Variants in RB1 observed in about 807,000 individuals in gnomAD.
RB1 encodes retinoblastoma-associated protein.
In RB1, 18 loss-of-function variants were observed where a neutral mutation model predicts 135.4. The ratio of observed to expected loss-of-function variants is 0.13; its 90% CI spans 0.09 to 0.20. The LOEUF (loss-of-function observed/expected upper bound fraction) is 0.20, where lower values mean the gene tolerates loss of function less well. Among genes scored for constraint, RB1 ranks in the 10% least tolerant of loss-of-function variants. The probability of loss-of-function intolerance (pLI) is 1.00; values close to 1 mark genes in which losing one functional copy is unlikely to be tolerated. For missense variants in RB1, 868 were observed against 1,110.0 expected, an observed-to-expected ratio of 0.78 and a Z score of 3.10; for synonymous variants, 365 against 373.2, an observed-to-expected ratio of 0.98 and a Z score of 0.25.
chr13:48,472,380 A>G (rs796899554), intron 23 of RB1, among the ~76,000 whole-genome samples: 2 of 152,224 alleles, frequency 1.3e-5, no homozygotes, highest in African/African-American at 4.8e-5. Context: ...TCCTTTATTT[A>G]TTTGGTGTTC....
chr13:48,476,982 A>T, intron 25 of RB1, 139 bp downstream of exon 25: 1 of 1,125,320 alleles, frequency 8.9e-7, no homozygotes, highest in Non-Finnish European at 1.3e-6. Flanking sequence ...TCAAAATAAT[A>T]GATATGAGTG....
At chr13:48,341,139 G>T (rs1250546922) in intron 2 of RB1, 1 of 151,884 alleles carries the variant, frequency 6.6e-6, no homozygotes, top group Non-Finnish European at 1.5e-5. Context: ...TTAAAGATTG[G>T]TTTTGCCTTT....
chr13:48,393,143 C>T lies in RB1; in HGVS notation c.1695+11700C>T, dbSNP rs575251084. Among the ~76,000 whole-genome samples, 4 of 152,296 alleles carry T rather than the reference C, an allele frequency of 2.6e-5. No homozygotes were observed. The South Asian group carries it at 8.3e-4, about 32-fold the overall frequency. ...TGTGTCAGCTCCTGGAAGGATTCTACTCCTTCCCATGGTTCTTCCCTGGTT... is the reference window on the plus strand; with the variant it reads ...TGTGTCAGCTCCTGGAAGGATTCTATTCCTTCCCATGGTTCTTCCCTGGTT... On this transcript the variant is annotated intron_variant, in intron 17 of 26. Coordinates refer to ENST00000267163, the MANE Select transcript of RB1 (RefSeq NM_000321.3).
chr13:48,373,483 C>T lies in RB1; in HGVS notation c.1206C>T (p.Ser402=), dbSNP rs752679968. The T allele has an allele frequency of 7.0e-6, 11 of 1,566,696 alleles. No individual in the cohort carries two copies. In the South Asian group the frequency reaches 1.2e-4, roughly 17 times the overall value. ...ATCAACCTTCAGAAAATCTGATTTCCTATTTTAACGTAAGCCATATATGAA... is the reference window on the plus strand; with the variant it reads ...ATCAACCTTCAGAAAATCTGATTTCTTATTTTAACGTAAGCCATATATGAA... ...ASDQPSENLI[S]YFNNCTVNPK... is the part of the protein sequence containing the mutation. The change falls in exon 12 of 27, where the codon TCC becomes TCT. Residue 402 remains serine (S), a synonymous_variant. Coordinates refer to ENST00000267163, the MANE Select transcript of RB1 (RefSeq NM_000321.3).
chr13:48,372,727 A>G (rs1321326922), intron 11 of RB1, among the ~76,000 whole-genome samples: 2 of 152,144 alleles, frequency 1.3e-5, no homozygotes, highest in African/African-American at 4.8e-5. Flanking sequence ...GAGAACACTG[A>G]GCATATTTTA....
At chr13:48,407,137 A>G (rs529170036) in intron 17 of RB1, among the ~76,000 whole-genome samples, 3 of 152,356 alleles carry the variant, frequency 2.0e-5, no homozygotes, top group African/African-American at 7.2e-5. Flanking sequence ...TGCTGTAAGT[A>G]TACAACACAT....
chr13:48,351,347 T>G (rs1952545513), intron 6 of RB1, among the ~76,000 whole-genome samples: 1 of 152,124 alleles, frequency 6.6e-6, no homozygotes, highest in African/African-American at 2.4e-5. Context: ...ATATGGAGCT[T>G]TTTTTTCATA....
chr13:48,466,617 G>T (rs758362201), intron 23 of RB1, among the ~76,000 whole-genome samples: 2,497 of 150,158 alleles, frequency 0.017, 29 homozygotes, highest in Non-Finnish European at 0.025. Context: ...TCTGAGCTAC[G>T]GGAGGACATT....
chr13:48,370,789 A>G (rs573271086), intron 11 of RB1, among the ~76,000 whole-genome samples: 1 of 152,274 alleles, frequency 6.6e-6, no homozygotes, highest in Admixed American at 6.5e-5. Context: ...TTGATTATCA[A>G]CCTAACCTTC....
chr13:48,313,745 C>CTTTTTTTT (rs56131979), intron 2 of RB1, among the ~76,000 whole-genome samples: 18 of 101,956 alleles, frequency 1.8e-4, no homozygotes, highest in East Asian at 3.1e-4. Flanking sequence ...TATGTTTATT[C>CTTTTTTTT]TTTTTTTTTT....
intron 6 of RB1, among the ~76,000 whole-genome samples, chr13:48,350,226 A>C (rs561093859): frequency 7.2e-4 from 109 of 152,296 alleles, no homozygotes; most frequent in African/African-American, 2.6e-3. Context: ...CATTTCATCC[A>C]AGAATATACA....
intron 17 of RB1, among the ~76,000 whole-genome samples, chr13:48,435,845 T>G (rs1949177828): frequency 6.6e-6 from 1 of 152,130 alleles, no homozygotes; most frequent in Non-Finnish European, 1.5e-5. Flanking sequence ...CTTTTGTATC[T>G]TTGTCAAAAA....
intron 2 of RB1, chr13:48,320,422 G>C (rs1346950429): frequency 1.1e-5 from 12 of 1,090,492 alleles, no homozygotes; most frequent in Admixed American, 1.8e-5. Flanking sequence ...TGGGCCAAAG[G>C]CCTCCCATTT....
intron 2 of RB1, among the ~76,000 whole-genome samples, chr13:48,314,989 G>A (rs947188465): frequency 2.6e-5 from 4 of 152,152 alleles, no homozygotes; most frequent in African/African-American, 9.6e-5. Context: ...TTTTTGTGTA[G>A]GGTTGCCTTG....
chr13:48,406,785 G>A (rs1283692446), intron 17 of RB1: 1 of 152,298 alleles, frequency 6.6e-6, no homozygotes, highest in Admixed American at 6.5e-5. Flanking sequence ...CAGGTGCAGT[G>A]GCCTGCACCT....
intron 18 of RB1, among the ~76,000 whole-genome samples, chr13:48,454,788 C>G (rs1163255537): frequency 6.6e-6 from 1 of 152,216 alleles, no homozygotes; most frequent in African/African-American, 2.4e-5. Context: ...GATGTGCATT[C>G]CAGGCAGAAC....
chr13:48,309,030 T>G (rs552226025), intron 2 of RB1, among the ~76,000 whole-genome samples: 1 of 152,286 alleles, frequency 6.6e-6, no homozygotes, highest in Non-Finnish European at 1.5e-5. Context: ...GATATTTGGG[T>G]TTTTTCCAAC....
At position 48,348,980 on chromosome 13, in the gene RB1, A is replaced by G. The variant is rs1952522861; in HGVS notation, c.564A>G (p.Ala188=). Residue 188 remains alanine, a synonymous_variant, in exon 6 of 27, where the codon GCA becomes GCG. Coordinates refer to ENST00000267163, the MANE Select transcript of RB1 (RefSeq NM_000321.3). ...SSSISTEINS[A]LVLKVSWITF... is the part of the protein sequence containing the mutation. ...GGATATCTACTGAAATAAATTCTGC[A>G]TTGGTGCTAAAAGTTTCTTGGATCA... The G allele has an allele frequency of 6.2e-7, 1 of 1,602,942 alleles. No homozygotes were observed. Among genetic ancestry groups the G allele is most frequent in the Non-Finnish European group, 8.5e-7 (1 of 1,173,566 alleles).
At chr13:48,354,723 C>T (rs1317341315) in intron 6 of RB1, among the ~76,000 whole-genome samples, 2 of 151,942 alleles carry the variant, frequency 1.3e-5, no homozygotes, top group Admixed American at 6.6e-5. Flanking sequence ...AAAGCAGATA[C>T]ATAGACCAGT....
Sources: gnomAD v4.1 joint callset for allele counts (sites outside exome capture counted in the v4.1 genomes callset) on GRCh38, gnomAD v4.1.1 for gene constraint, MANE v1.5 for transcripts, NCBI Gene and HGNC (gene_info 2026-07-23, HGNC 2026-07-21) for gene names.